Variants in TRIM33 observed in about 807,000 individuals in gnomAD.
TRIM33 encodes tripartite motif containing 33.
Under a neutral mutation model 125.4 loss-of-function variants are expected in TRIM33, and 20 were observed. The observed-to-expected ratio is 0.16, with a 90% CI of 0.11 to 0.23. The LOEUF (loss-of-function observed/expected upper bound fraction) is 0.23. Ranked by LOEUF, TRIM33 falls within the 10% of genes least tolerant of loss-of-function variation. TRIM33 has a pLI of 1.00. For missense variants in TRIM33, 920 were observed against 1,411.4 expected (o/e 0.65, Z 5.58); for synonymous variants, 564 against 513.9 (o/e 1.10, Z -1.32).
chr1:114,431,529 T>C (rs1173516646), intron 5 of TRIM33, among the ~76,000 whole-genome samples: 1 of 152,236 alleles, frequency 6.6e-6, no homozygotes, highest in Non-Finnish European at 1.5e-5. Flanking sequence ...ATGGAAGTTT[T>C]AGGTGCAAAT....
intron 1 of TRIM33, among the ~76,000 whole-genome samples, chr1:114,510,089 T>C (rs1278461427): frequency 6.6e-6 from 1 of 152,022 alleles, no homozygotes; most frequent in Non-Finnish European, 1.5e-5. Flanking sequence ...TCCATAGTCC[T>C]CCTCTCTCCT....
At chr1:114,478,392 T>TG (rs1421886295) in intron 1 of TRIM33, among the ~76,000 whole-genome samples, 23 of 152,102 alleles carry the variant, frequency 1.5e-4, no homozygotes, top group African/African-American at 4.3e-4. Context: ...ATACCTGGGT[T>TG]GGGGGTCACA....
intron 13 of TRIM33, 57 bp downstream of exon 13, chr1:114,408,620 T>C (rs1213312261): frequency 2.4e-5 from 27 of 1,105,954 alleles, no homozygotes; most frequent in African/African-American, 3.2e-5. Flanking sequence ...ACTTTTATTA[T>C]ACATATTTGC....
chr1:114,497,613 C>T (rs1652448975), intron 1 of TRIM33, among the ~76,000 whole-genome samples: 1 of 152,068 alleles, frequency 6.6e-6, no homozygotes, highest in Admixed American at 6.6e-5. Flanking sequence ...TAATAATTTT[C>T]ATGTGTCACA....
chr1:114,510,974 C>T lies in TRIM33; in HGVS notation c.103G>A (p.Glu35Lys). The change falls in exon 1 of 20, where the codon GAG becomes AAG. Residue 35 changes from glutamate to lysine, a missense_variant. Glu to Lys is a moderately conservative substitution (Grantham distance 56). Coordinates refer to ENST00000358465, the MANE Select transcript of TRIM33 (RefSeq NM_015906.4). ...ACCAGCACCGCGGTGAGAGGCGGCT[C>T]CGCCTCCTGCGCGGCGGGCCCGGCG... is the stretch of plus-strand genomic sequence containing the variant. Reference protein sequence around the residue: ...GAAGPAAQEAEPPLTAVLVEE... With the variant: ...GAAGPAAQEAKPPLTAVLVEE... 2 of 1,362,518 alleles carry T rather than the reference C, an allele frequency of 1.5e-6. No homozygotes were observed. Among genetic ancestry groups the T allele is most frequent in the Non-Finnish European group, 1.9e-6 (2 of 1,058,206 alleles). 84.4% of individuals were successfully genotyped at this position (1,362,518 alleles called of 1,614,324 possible). A position where few individuals can be genotyped will look rare whatever the true frequency, so the allele number is the denominator to read the frequency against.
chr1:114,493,051 C>G (rs1652162686), intron 1 of TRIM33, among the ~76,000 whole-genome samples: 2 of 152,220 alleles, frequency 1.3e-5, no homozygotes, highest in African/African-American at 4.8e-5. Flanking sequence ...AATTTCTCCA[C>G]ATCCTTGCCA....
chr1:114,408,804 G>A lies in TRIM33; in HGVS notation c.2195-64C>T, dbSNP rs184997945. ...AAGAATATTTGGAATTCTACCTACC[G>A]GTCACAGAACTCAAGATTATTATAA... On this transcript the variant is annotated intron_variant, in intron 12 of 19. Transcript: ENST00000358465. The A allele has an allele frequency of 3.9e-5, 44 of 1,124,706 alleles. 1 individual carries two copies. Among genetic ancestry groups the A allele is most frequent in the African/African-American group, 2.5e-4 (16 of 62,964 alleles). The allele number at this position is 1,124,706 out of a possible 1,614,324, so 69.7% of individuals were successfully genotyped here.
chr1:114,416,418 T>C (rs774361504), intron 11 of TRIM33, among the ~76,000 whole-genome samples: 3 of 152,230 alleles, frequency 2.0e-5, no homozygotes, highest in Non-Finnish European at 2.9e-5. Flanking sequence ...TTCATTTTAA[T>C]ATATTTCTTC....
rs559536672 is a variant in TRIM33 at position 114,459,122 on chromosome 1, T to C, written c.923+3982A>G. On this transcript the variant is annotated intron_variant, in intron 4 of 19. Coordinates refer to ENST00000358465, the MANE Select transcript of TRIM33 (RefSeq NM_015906.4). ...AGAATCTCTGAAATAAGTATATTTT[T>C]GTATGTTAACAAAATGACCAATGGC... is the stretch of plus-strand genomic sequence containing the variant. Among the ~76,000 whole-genome samples the C allele has an allele frequency of 8.5e-5, 13 of 152,268 alleles. No individual in the cohort carries two copies. The South Asian group carries it at 2.3e-3, about 27-fold the overall frequency.
chr1:114,424,579 C>G lies in TRIM33; in HGVS notation c.1860+12G>C. 1 of 1,537,256 alleles carries G rather than the reference C, an allele frequency of 6.5e-7. No individual in the cohort carries two copies. ...AATTGTAGGATTCTTACAAATGTAA[C>G]TCTAGGCATACTTGTCTTTGGAGGT... On this transcript the variant is annotated intron_variant, in intron 10 of 19. Transcript: ENST00000358465.
chr1:114,453,784 T>C (rs144915169), intron 4 of TRIM33, among the ~76,000 whole-genome samples: 1 of 152,188 alleles, frequency 6.6e-6, no homozygotes, highest in Non-Finnish European at 1.5e-5. Flanking sequence ...TGACAGAGAC[T>C]GACCCAATAA....
rs535738506 is a variant in TRIM33, at chr1:114,446,159, A to G, written c.924-12426T>C. On this transcript the variant is annotated intron_variant, in intron 4 of 19. Coordinates refer to ENST00000358465, the MANE Select transcript of TRIM33 (RefSeq NM_015906.4). ...GAGTGAGCCACTGTGCCCAGCTTAA[A>G]TTGAGGATTTTCATATGACAAGAAG... is the stretch of plus-strand genomic sequence containing the variant. Among the ~76,000 whole-genome samples the G allele has an allele frequency of 5.8e-4, 88 of 152,330 alleles. 1 individual carries two copies. The highest frequency in any genetic ancestry group is 1.2e-3 in the Non-Finnish European group (82 of 68,034).
chr1:114,477,874 G>C (rs17032768), intron 1 of TRIM33, among the ~76,000 whole-genome samples: 1,567 of 152,154 alleles, frequency 0.01, 25 homozygotes, highest in African/African-American at 0.036. Flanking sequence ...TGCAGTTCTA[G>C]AAAACACAGG....
At chr1:114,405,367 G>T in intron 15 of TRIM33, 43 bp downstream of exon 15, 1 of 1,450,554 alleles carries the variant, frequency 6.9e-7, no homozygotes, top group Non-Finnish European at 9.5e-7. Context: ...TTTATTTTTA[G>T]CTTATGAAAA....
At chr1:114,494,716 G>T (rs1010128860) in intron 1 of TRIM33, among the ~76,000 whole-genome samples, 1 of 152,120 alleles carries the variant, frequency 6.6e-6, no homozygotes, top group African/African-American at 2.4e-5. Flanking sequence ...GGACTTTACC[G>T]GTTCTCACAG....
At chr1:114,501,189 C>CAAAA (rs775867907) in intron 1 of TRIM33, among the ~76,000 whole-genome samples, 1 of 23,152 alleles carries the variant, frequency 4.3e-5, no homozygotes, top group African/African-American at 2.3e-4. Flanking sequence ...GACTCCGTCT[C>CAAAA]AAAAAAAAAA....
intron 1 of TRIM33, among the ~76,000 whole-genome samples, chr1:114,489,531 C>T (rs1177971629): frequency 6.6e-6 from 1 of 151,980 alleles, no homozygotes; most frequent in African/African-American, 2.4e-5. Flanking sequence ...ATCGCTTGGA[C>T]CCAGGAGTTT....
chr1:114,500,613 A>G (rs1652650554), intron 1 of TRIM33, among the ~76,000 whole-genome samples: 1 of 152,072 alleles, frequency 6.6e-6, no homozygotes, highest in African/African-American at 2.4e-5. Flanking sequence ...TTAATTAAAA[A>G]AAAAAAAAGG....
chr1:114,496,917 G>GT (rs1202006588), intron 1 of TRIM33, among the ~76,000 whole-genome samples: 5 of 152,146 alleles, frequency 3.3e-5, no homozygotes, highest in Non-Finnish European at 7.3e-5. Flanking sequence ...CTCTGGAGTT[G>GT]TCAACAAAAC....
Sources: allele counts gnomAD v4.1 joint callset (sites outside exome capture counted in the v4.1 genomes callset), GRCh38; gene constraint gnomAD v4.1.1; transcripts MANE v1.5; gene names NCBI Gene and HGNC (gene_info 2026-07-23, HGNC 2026-07-21).